DACH1: variants seen among roughly 807,000 people sequenced by gnomAD.
The protein encoded by DACH1 is dachshund homolog 1.
DACH1 carries 12 observed loss-of-function variants against 54.2 expected under a neutral mutation model. The ratio of observed to expected loss-of-function variants is 0.22; its 90% CI spans 0.14 to 0.36. The LOEUF (loss-of-function observed/expected upper bound fraction) is 0.36, where lower values mean the gene tolerates loss of function less well. DACH1 is among the 10% of genes least tolerant of loss of function. The probability of loss-of-function intolerance (pLI) is 1.00; values close to 1 mark genes in which losing one functional copy is unlikely to be tolerated. For missense variants in DACH1, 805 were observed against 929.8 expected, an observed-to-expected ratio of 0.87 and a Z score of 1.75; for synonymous variants, 386 against 366.2, an observed-to-expected ratio of 1.05 and a Z score of -0.62.
intron 2 of DACH1, among the ~76,000 whole-genome samples, chr13:71,670,828 G>A (rs1294130823): frequency 6.6e-6 from 1 of 151,964 alleles, no homozygotes; most frequent in African/African-American, 2.4e-5. Context: ...ATGACAATTA[G>A]AGAAGCATAA....
intron 1 of DACH1, among the ~76,000 whole-genome samples, chr13:71,690,659 C>T (rs551203834): frequency 8.5e-5 from 13 of 152,138 alleles, no homozygotes; most frequent in South Asian, 2.1e-4. Flanking sequence ...AGCCCAGGTG[C>T]GGTGGCTCAC....
chr13:71,850,371 G>A (rs1430223140), intron 1 of DACH1, among the ~76,000 whole-genome samples: 3 of 152,184 alleles, frequency 2.0e-5, no homozygotes, highest in Admixed American at 2.0e-4. Context: ...GGAGTGCAAG[G>A]CCAGGATCCT....
At chr13:71,592,599 A>G (rs906298928) in intron 3 of DACH1, among the ~76,000 whole-genome samples, 2 of 151,926 alleles carry the variant, frequency 1.3e-5, no homozygotes, top group African/African-American at 4.8e-5. Flanking sequence ...ATAGAAAGGA[A>G]ATTATGACCA....
chr13:71,646,924 T>C (rs1180903775), intron 2 of DACH1, among the ~76,000 whole-genome samples: 2 of 152,218 alleles, frequency 1.3e-5, no homozygotes, highest in African/African-American at 4.8e-5. Flanking sequence ...GTGCCATTAC[T>C]ATTTACCAAT....
chr13:71,531,737 A>G (rs1397323736), intron 6 of DACH1, among the ~76,000 whole-genome samples: 1 of 151,966 alleles, frequency 6.6e-6, no homozygotes. Flanking sequence ...TAATTTTGTT[A>G]TTAATGTTGT....
chr13:71,648,061 A>T (rs947389062), intron 2 of DACH1, among the ~76,000 whole-genome samples: 2 of 152,200 alleles, frequency 1.3e-5, no homozygotes, highest in Non-Finnish European at 2.9e-5. Context: ...ATGAAATAGC[A>T]CCCAATTGCT....
At chr13:71,814,288 A>T (rs1887828938) in intron 1 of DACH1, among the ~76,000 whole-genome samples, 1 of 152,184 alleles carries the variant, frequency 6.6e-6, no homozygotes, top group African/African-American at 2.4e-5. Flanking sequence ...TACATAACCA[A>T]CCCAACCTAT....
chr13:71,771,525 AG>A (rs1222403660), intron 1 of DACH1, among the ~76,000 whole-genome samples: 1 of 151,450 alleles, frequency 6.6e-6, no homozygotes, highest in Non-Finnish European at 1.5e-5. Flanking sequence ...GAACCAAAGT[AG>A]AACTTACAGA....
intron 1 of DACH1, among the ~76,000 whole-genome samples, chr13:71,859,962 G>A: frequency 6.6e-6 from 1 of 151,946 alleles, no homozygotes; most frequent in Non-Finnish European, 1.5e-5. Flanking sequence ...TGCTGTGCCT[G>A]AGATGTACAT....
At chr13:71,612,294 T>G (rs80073740) in intron 3 of DACH1, among the ~76,000 whole-genome samples, 5 of 152,090 alleles carry the variant, frequency 3.3e-5, no homozygotes, top group Admixed American at 3.3e-4. Context: ...CCTTATGTTA[T>G]ATTATATTAT....
At chr13:71,617,045 C>A (rs529532606) in intron 3 of DACH1, among the ~76,000 whole-genome samples, 82 of 151,904 alleles carry the variant, frequency 5.4e-4, no homozygotes, top group Non-Finnish European at 9.3e-4. Context: ...TCACGCCCGG[C>A]TTTATTAGAG....
chr13:71,856,687 G>A (rs767542331), intron 1 of DACH1, among the ~76,000 whole-genome samples: 6 of 151,770 alleles, frequency 4.0e-5, no homozygotes, highest in Non-Finnish European at 7.4e-5. Context: ...TTTTATAAGC[G>A]TCTTTCTATG....
rs142710897 is a variant in DACH1, at chr13:71,461,090, A to G, written c.2083+14051T>C. Reference sequence around the variant, plus strand: ...ATAAATCAACCCTTTAAATTAAGGCATCTTCTGCAATTTCTTTAAATGTTC... The same window carrying G: ...ATAAATCAACCCTTTAAATTAAGGCGTCTTCTGCAATTTCTTTAAATGTTC... On this transcript the variant is annotated intron_variant, in intron 10 of 10. Transcript: ENST00000613252. Among the ~76,000 whole-genome samples the G allele has an allele frequency of 5.1e-4, 77 of 152,222 alleles. 1 individual carries two copies. Among genetic ancestry groups the G allele is most frequent in the Admixed American group, 1.1e-3 (17 of 15,258 alleles).
At chr13:71,850,940 T>A (rs948266978) in intron 1 of DACH1, among the ~76,000 whole-genome samples, 1 of 152,242 alleles carries the variant, frequency 6.6e-6, no homozygotes, top group African/African-American at 2.4e-5. Flanking sequence ...ACAAGTAATG[T>A]CAAATGACAA....
At chr13:71,614,742 T>TACTC (rs1302530264) in intron 3 of DACH1, among the ~76,000 whole-genome samples, 2 of 151,326 alleles carry the variant, frequency 1.3e-5, no homozygotes, top group East Asian at 3.9e-4. Context: ...TAGTCCCAGC[T>TACTC]ACTCTGGAGG....
intron 1 of DACH1, among the ~76,000 whole-genome samples, chr13:71,738,271 G>A (rs1311610949): frequency 1.3e-5 from 2 of 152,108 alleles, no homozygotes; most frequent in Non-Finnish European, 2.9e-5. Flanking sequence ...AAAACAAGGT[G>A]TACTTGGGGC....
chr13:71,760,103 G>A (rs1487438409), intron 1 of DACH1, among the ~76,000 whole-genome samples: 2 of 152,134 alleles, frequency 1.3e-5, no homozygotes, highest in African/African-American at 2.4e-5. Context: ...AGGCTACCAC[G>A]GCGGCCCCAG....
At chr13:71,860,101 T>A (rs186275890) in intron 1 of DACH1, among the ~76,000 whole-genome samples, 1 of 151,710 alleles carries the variant, frequency 6.6e-6, no homozygotes, top group Non-Finnish European at 1.5e-5. Flanking sequence ...AGGGTCTCCT[T>A]AATGCAGTCC....
intron 1 of DACH1, among the ~76,000 whole-genome samples, chr13:71,795,860 C>T (rs1241247466): frequency 1.3e-5 from 2 of 152,042 alleles, no homozygotes; most frequent in South Asian, 2.1e-4. Flanking sequence ...CATAGCTTGG[C>T]GTGGTAAGTG....
Sources: allele counts gnomAD v4.1 joint callset (sites outside exome capture counted in the v4.1 genomes callset), GRCh38; gene constraint gnomAD v4.1.1; transcripts MANE v1.5; gene names NCBI Gene and HGNC (gene_info 2026-07-23, HGNC 2026-07-21).